The following ZNF398 variants were observed in gnomAD, a reference collection of about 807,000 sequenced individuals.
ZNF398 encodes zinc finger protein 398, also known as zinc finger DNA binding protein ZER6.
In ZNF398, 18 loss-of-function variants were observed where a neutral mutation model predicts 41.9. That is an observed-to-expected ratio of 0.43 (90% CI 0.30 to 0.64). ZNF398 has a LOEUF of 0.64. Ranked by LOEUF, ZNF398 falls within the 30% of genes least tolerant of loss-of-function variation. ZNF398 has a pLI of 0.14. For synonymous variants in ZNF398, 260 were observed against 308.8 expected (o/e 0.84, Z 1.66); for missense variants, 669 against 822.8 (o/e 0.81, Z 2.29).
rs1189447036 is a variant in ZNF398 at position 149,179,413 on chromosome 7, C to T, written c.1541C>T (p.Thr514Ile). 1 of 1,614,010 alleles carries T rather than the reference C, an allele frequency of 6.2e-7. No homozygotes were observed. The highest frequency in any genetic ancestry group is 8.5e-7 in the Non-Finnish European group (1 of 1,180,052). The change falls in exon 6 of 6, where the codon ACT (threonine) becomes ATT (isoleucine). Residue 514 changes from threonine to isoleucine, a missense_variant. Thr to Ile is a moderately conservative substitution (Grantham distance 89). This residue lies in a region of ZNF398 where 210 missense variants were observed against 290.4 expected (regional missense o/e 0.72). Coordinates refer to ENST00000475153, the MANE Select transcript of ZNF398 (RefSeq NM_170686.3). This position sits in a 1 kb window ranked among gnomAD's most constrained non-coding sequence, Gnocchi z 6.1. ...ACAGGCGAGCGTCCTTACCCCTGCACTGACTGCAGTAAGAGCTTCATGCGC... is the reference window on the plus strand; with the variant it reads ...ACAGGCGAGCGTCCTTACCCCTGCATTGACTGCAGTAAGAGCTTCATGCGC... Reference protein sequence around the residue: ...IHTGERPYPCTDCSKSFMRKE... With the variant: ...IHTGERPYPCIDCSKSFMRKE...
At chr7:149,135,389 C>CAAAAAAAAAAAAAAAAAAAA (rs777888671) in intron 2 of ZNF398, among the ~76,000 whole-genome samples, 5 of 61,398 alleles carry the variant, frequency 8.1e-5, no homozygotes, top group African/African-American at 1.8e-4. Context: ...GACTCTGTCT[C>CAAAAAAAAAAAAAAAAAAAA]AAAAAAAAAA....
At chr7:149,137,623 A>G (rs1239184322) in intron 2 of ZNF398, among the ~76,000 whole-genome samples, 1 of 151,710 alleles carries the variant, frequency 6.6e-6, no homozygotes, top group African/African-American at 2.4e-5. Context: ...CTCGTGATCC[A>G]CCTGCCTTGG....
At chr7:149,161,419 C>T (rs1795102494) in intron 2 of ZNF398, among the ~76,000 whole-genome samples, 1 of 152,088 alleles carries the variant, frequency 6.6e-6, no homozygotes, top group African/African-American at 2.4e-5. Flanking sequence ...ATTGACTCGC[C>T]ATAGTGGCAT....
chr7:149,134,032 T>C (rs1432527737), intron 2 of ZNF398, among the ~76,000 whole-genome samples: 2 of 150,042 alleles, frequency 1.3e-5, no homozygotes, highest in African/African-American at 4.9e-5. Flanking sequence ...ATTACAGGCA[T>C]GAGCCACCGT....
At chr7:149,127,058 G>A (rs1033492117) in intron 1 of ZNF398, among the ~76,000 whole-genome samples, 2 of 152,238 alleles carry the variant, frequency 1.3e-5, no homozygotes, top group Non-Finnish European at 2.9e-5. Context: ...GACTGTGACA[G>A]AGCGGGAGAA....
At position 149,179,993 on chromosome 7, in the gene ZNF398, T is replaced by C. The variant is rs1047916393; in HGVS notation, c.*192T>C. Reference sequence around the variant, plus strand: ...CACACCCTTACAAGAATACCACATTTTGAAACCCAGAAAGACCTGGAAAGG... The same window carrying C: ...CACACCCTTACAAGAATACCACATTCTGAAACCCAGAAAGACCTGGAAAGG... On this transcript the variant is annotated 3_prime_UTR_variant, in exon 6 of 6. Coordinates refer to ENST00000475153, the MANE Select transcript of ZNF398 (RefSeq NM_170686.3). The surrounding 1 kb of genome is among the most constrained non-coding windows in gnomAD (Gnocchi z 6.1). The C allele has an allele frequency of 1.8e-4, 90 of 506,422 alleles. 1 individual carries two copies. Among genetic ancestry groups the C allele is most frequent in the Non-Finnish European group, 2.9e-4 (86 of 298,218 alleles). 31.4% of individuals were successfully genotyped at this position (506,422 alleles called of 1,614,324 possible). A position where few individuals can be genotyped will look rare whatever the true frequency, so the allele number is the denominator to read the frequency against.
chr7:149,137,213 T>G (rs1021706385), intron 2 of ZNF398, among the ~76,000 whole-genome samples: 2 of 152,030 alleles, frequency 1.3e-5, no homozygotes, highest in African/African-American at 4.8e-5. Flanking sequence ...CGTCCAAATT[T>G]GTGTGGGTTT....
intron 2 of ZNF398, among the ~76,000 whole-genome samples, chr7:149,139,053 G>A (rs1352165319): frequency 1.3e-5 from 2 of 152,046 alleles, no homozygotes; most frequent in Non-Finnish European, 2.9e-5. Flanking sequence ...TGGGACTACA[G>A]GAGCACGCCA....
At chr7:149,177,508 A>G (rs183034992) in intron 5 of ZNF398, among the ~76,000 whole-genome samples, 22 of 152,324 alleles carry the variant, frequency 1.4e-4, no homozygotes, top group Admixed American at 7.8e-4. Context: ...TAAAGCCACA[A>G]TTGTACCTTA....
intron 2 of ZNF398, among the ~76,000 whole-genome samples, chr7:149,161,583 ACAAAAC>A: frequency 6.6e-6 from 1 of 152,280 alleles, no homozygotes; most frequent in South Asian, 2.1e-4. Context: ...GCAAAACAAA[ACAAAAC>A]CAAAACCAAA....
Position 149,159,573 on chromosome 7 carries a change from G to A in ZNF398, c.420+5233G>A, listed in dbSNP as rs1411860941. 3.9e-5 allele frequency among the ~76,000 whole-genome samples: 6 copies of A among 151,910 alleles called. 1 individual carries two copies. Among genetic ancestry groups the A allele is most frequent in the East Asian group, 3.9e-4 (2 of 5,088 alleles). On this transcript the variant is annotated intron_variant, in intron 2 of 5. Coordinates refer to ENST00000475153, the MANE Select transcript of ZNF398 (RefSeq NM_170686.3). The stretch of plus-strand genomic sequence containing the variant: ...TGAGGCAGGAGAATGGCGTGAACCC[G>A]GGAGGTGGAGGTTGCAGTGAGCTGA...
At chr7:149,139,767 A>T (rs1227210998) in intron 2 of ZNF398, among the ~76,000 whole-genome samples, 5 of 151,376 alleles carry the variant, frequency 3.3e-5, no homozygotes, top group Non-Finnish European at 7.4e-5. Context: ...GCACTTTGGG[A>T]GGCTGAGATG....
At chr7:149,131,336 G>C (rs1323758101) in intron 2 of ZNF398, among the ~76,000 whole-genome samples, 3 of 152,090 alleles carry the variant, frequency 2.0e-5, no homozygotes, top group Non-Finnish European at 4.4e-5. Flanking sequence ...ATTTTTCTCA[G>C]GTTGATAAAT....
upstream of ZNF398, among the ~76,000 whole-genome samples, chr7:149,143,734 C>T (rs562439683): frequency 1.3e-5 from 2 of 152,166 alleles, no homozygotes; most frequent in African/African-American, 4.8e-5. Context: ...ATCACTTGAA[C>T]CCGGGAGGCA....
At chr7:149,165,105 A>G (rs1795200155) in intron 2 of ZNF398, among the ~76,000 whole-genome samples, 1 of 149,982 alleles carries the variant, frequency 6.7e-6, no homozygotes, top group Non-Finnish European at 1.5e-5. Flanking sequence ...AAAAAAAAAA[A>G]GAAAAGAAAG....
intron 2 of ZNF398, among the ~76,000 whole-genome samples, chr7:149,155,339 GA>G (rs908602439): frequency 1.6e-4 from 24 of 152,188 alleles, no homozygotes; most frequent in African/African-American, 5.8e-4. Context: ...AGAATCGCTT[GA>G]ACCCGGGAGA....
upstream of ZNF398, among the ~76,000 whole-genome samples, chr7:149,145,159 GT>G (rs1455960372): frequency 1.3e-5 from 2 of 152,104 alleles, no homozygotes; most frequent in South Asian, 4.1e-4. Flanking sequence ...TTTACAGATA[GT>G]TATACTGTTA....
upstream of ZNF398, among the ~76,000 whole-genome samples, chr7:149,143,301 A>C (rs1483751220): frequency 6.6e-6 from 1 of 152,224 alleles, no homozygotes; most frequent in Non-Finnish European, 1.5e-5. Context: ...AGAGAATATT[A>C]CCAATGTAGC....
At chr7:149,163,254 G>A (rs922648918) in intron 2 of ZNF398, among the ~76,000 whole-genome samples, 1 of 152,084 alleles carries the variant, frequency 6.6e-6, no homozygotes, top group Non-Finnish European at 1.5e-5. Flanking sequence ...GCCCAGGCTG[G>A]AGTGCAGTGG....
Sources: gnomAD v4.1 joint callset for allele counts (sites outside exome capture counted in the v4.1 genomes callset) on GRCh38, gnomAD v4.1.1 for gene constraint, gnomAD v4.1.1 regional missense constraint, Gnocchi (gnomAD v3.1) non-coding constraint, MANE v1.5 for transcripts, NCBI Gene and HGNC (gene_info 2026-07-23, HGNC 2026-07-21) for gene names.